The following NRSN1 variants were observed in gnomAD, a reference collection of about 807,000 sequenced individuals.
The protein encoded by NRSN1 is neurensin 1, also known as neurensin-1.
A neutral mutation model predicts 17.3 loss-of-function variants in NRSN1; 14 were observed. The ratio of observed to expected loss-of-function variants is 0.81; its 90% CI spans 0.54 to 1.27. The LOEUF is 1.27. Ranked by LOEUF, NRSN1 falls within the 50% of genes most tolerant of loss-of-function variation. The pLI is 0.00. For missense variants in NRSN1, 209 were observed against 235.9 expected (o/e 0.89, Z 0.75); for synonymous variants, 79 against 94.2 (o/e 0.84, Z 0.93).
At chr6:24,134,565 C>T in intron 3 of NRSN1, 49 bp downstream of exon 3, 1 of 1,478,434 alleles carries the variant, frequency 6.8e-7, no homozygotes, top group Non-Finnish European at 9.4e-7. Context: ...AATTATTGGA[C>T]ATGGTTAATA....
intron 1 of NRSN1, among the ~76,000 whole-genome samples, chr6:24,127,562 A>C (rs956681720): frequency 1.3e-5 from 2 of 152,224 alleles, no homozygotes; most frequent in African/African-American, 4.8e-5. Context: ...TGCTTTTCTT[A>C]GGCAGCTGGA....
Position 24,145,731 on chromosome 6 carries a change from A to T in NRSN1, c.373A>T (p.Ile125Phe), listed in dbSNP as rs868540123. Residue 125 changes from isoleucine to phenylalanine, a missense_variant, in exon 4 of 4, where the codon ATT (isoleucine) becomes TTT (phenylalanine). Coordinates refer to ENST00000378491, the MANE Select transcript of NRSN1 (RefSeq NM_080723.5). This position sits in a 1 kb window ranked among gnomAD's most constrained non-coding sequence, Gnocchi z 4.4. ...GCTGGCAGGAGCTGTTCTCTTCTGC[A>T]TTGGAGGCACGTCCATGGCAGGGTG... Reference protein sequence around the residue: ...YKLAGAVLFCIGGTSMAGCLL... With the variant: ...YKLAGAVLFCFGGTSMAGCLL... The T allele has an allele frequency of 2.5e-6, 4 of 1,614,056 alleles. No homozygotes were observed. In the African/African-American group the frequency reaches 5.3e-5, roughly 22 times the overall value.
chr6:24,142,735 G>C (rs984598348), intron 3 of NRSN1, among the ~76,000 whole-genome samples: 1 of 152,132 alleles, frequency 6.6e-6, no homozygotes, highest in African/African-American at 2.4e-5. Flanking sequence ...TCAAGAATGA[G>C]GCCGCAGACC....
chr6:24,138,428 C>T (rs915638492), intron 3 of NRSN1, among the ~76,000 whole-genome samples: 2 of 152,110 alleles, frequency 1.3e-5, no homozygotes, highest in Non-Finnish European at 2.9e-5. Context: ...ACTTGATTGT[C>T]CACGCAGCAA....
intron 3 of NRSN1, among the ~76,000 whole-genome samples, chr6:24,143,175 C>T (rs1449794995): frequency 6.6e-6 from 1 of 152,104 alleles, no homozygotes; most frequent in Non-Finnish European, 1.5e-5. Flanking sequence ...CTCCAAGTCC[C>T]CACCCGACCC....
At position 24,145,269 on chromosome 6, in the gene NRSN1, A is replaced by G. The variant is rs1464346885; in HGVS notation, c.190-279A>G. The stretch of plus-strand genomic sequence containing the variant: ...ATAAAGATTATATATATATCTTTAG[A>G]TATACAATATATGTATATCTTTAGA... On this transcript the variant is annotated intron_variant, in intron 3 of 3. Coordinates refer to ENST00000378491, the MANE Select transcript of NRSN1 (RefSeq NM_080723.5). The surrounding 1 kb of genome is among the most constrained non-coding windows in gnomAD (Gnocchi z 4.4). Among the ~76,000 whole-genome samples, 3 of 147,326 alleles carry G rather than the reference A, an allele frequency of 2.0e-5. No individual in the cohort carries two copies. Among genetic ancestry groups the G allele is most frequent in the Admixed American group, 6.8e-5 (1 of 14,658 alleles).
At chr6:24,126,490 GTTT>G (rs1759950665) in intron 1 of NRSN1, 150 bp downstream of exon 1, 1 of 151,312 alleles carries the variant, frequency 6.6e-6, no homozygotes, top group African/African-American at 2.4e-5. Flanking sequence ...CTTCATTCAC[GTTT>G]ATTATATGTG....
chr6:24,130,105 A>T (rs1760005879), intron 2 of NRSN1, among the ~76,000 whole-genome samples: 2 of 152,222 alleles, frequency 1.3e-5, no homozygotes, highest in African/African-American at 4.8e-5. Flanking sequence ...TTCTGTAAAT[A>T]AAAAAGGCTC....
At chr6:24,142,213 T>TTTTTTTTTTTC (rs957826257) in intron 3 of NRSN1, among the ~76,000 whole-genome samples, 53 of 132,630 alleles carry the variant, frequency 4.0e-4, no homozygotes, top group East Asian at 2.7e-3. Flanking sequence ...TTTTTTTTTT[T>TTTTTTTTTTTC]TCAGAAGACA....
intron 3 of NRSN1, among the ~76,000 whole-genome samples, chr6:24,140,315 G>A (rs1007726824): frequency 1.3e-5 from 2 of 152,122 alleles, no homozygotes; most frequent in Non-Finnish European, 2.9e-5. Flanking sequence ...TTTATGCGCT[G>A]GAAGAAGGAA....
At chr6:24,140,268 G>A (rs1479108862) in intron 3 of NRSN1, among the ~76,000 whole-genome samples, 2 of 152,158 alleles carry the variant, frequency 1.3e-5, no homozygotes, top group African/African-American at 4.8e-5. Context: ...ACGCAGAGCT[G>A]GAGAATTGCT....
chr6:24,132,317 G>A (rs1377186437), intron 2 of NRSN1, among the ~76,000 whole-genome samples: 1 of 152,118 alleles, frequency 6.6e-6, no homozygotes, highest in Non-Finnish European at 1.5e-5. Context: ...AAACTAACTG[G>A]CCACATATAG....
In NRSN1 at chr6:24,145,507, C is replaced by T. The variant is rs899030365; in HGVS notation, c.190-41C>T. ...AGGGCTCAGGGGCGAGCCGAAGCAC[C>T]TTCCTCACTCTATCTTGCTTCTGTC... On this transcript the variant is annotated intron_variant, in intron 3 of 3. Coordinates refer to ENST00000378491, the MANE Select transcript of NRSN1 (RefSeq NM_080723.5). The surrounding 1 kb of genome is among the most constrained non-coding windows in gnomAD (Gnocchi z 4.4). 6.7e-7 allele frequency: 1 copy of T among 1,499,464 alleles called. No individual in the cohort carries two copies. Among genetic ancestry groups the T allele is most frequent in the Middle Eastern group, 1.9e-4 (1 of 5,236 alleles). The allele number at this position is 1,499,464 out of a possible 1,614,324, so 92.9% of individuals were successfully genotyped here.
chr6:24,132,379 T>C (rs887713710), intron 2 of NRSN1, among the ~76,000 whole-genome samples: 2 of 152,250 alleles, frequency 1.3e-5, no homozygotes, highest in Admixed American at 6.5e-5. Context: ...TAAACATTAC[T>C]AGCTGGTTGC....
chr6:24,134,557 T>A, intron 3 of NRSN1, 41 bp downstream of exon 3: 1 of 1,530,576 alleles, frequency 6.5e-7, no homozygotes, highest in Non-Finnish European at 9.0e-7. Context: ...AATGGAAAAA[T>A]TATTGGACAT....
At chr6:24,143,065 T>C (rs1300957157) in intron 3 of NRSN1, among the ~76,000 whole-genome samples, 1 of 152,186 alleles carries the variant, frequency 6.6e-6, no homozygotes, top group East Asian at 1.9e-4. Context: ...TACAAACCTT[T>C]AGCTAGCCAC....
intron 3 of NRSN1, among the ~76,000 whole-genome samples, chr6:24,138,219 C>T (rs1021780448): frequency 9.9e-5 from 15 of 152,160 alleles, no homozygotes; most frequent in East Asian, 1.9e-4. Flanking sequence ...CGCACACTTT[C>T]TCTGTGCTTC....
intron 2 of NRSN1, among the ~76,000 whole-genome samples, chr6:24,128,435 G>T (rs1405430447): frequency 6.6e-6 from 1 of 152,116 alleles, no homozygotes; most frequent in East Asian, 1.9e-4. Flanking sequence ...TGACTTTGAA[G>T]GTATTTTAAT....
intron 3 of NRSN1, among the ~76,000 whole-genome samples, chr6:24,142,191 C>CTTTTT (rs751168423): frequency 0.04 from 1,755 of 44,428 alleles, 410 homozygotes; most frequent in African/African-American, 0.12. Flanking sequence ...TACAGAACAG[C>CTTTTT]TTTTTTTTTT....
Sources: gnomAD v4.1 joint callset for allele counts (sites outside exome capture counted in the v4.1 genomes callset) on GRCh38, gnomAD v4.1.1 for gene constraint, Gnocchi (gnomAD v3.1) non-coding constraint, MANE v1.5 for transcripts, NCBI Gene and HGNC (gene_info 2026-07-23, HGNC 2026-07-21) for gene names.